DMBX1: variants seen among roughly 807,000 people sequenced by gnomAD.
The protein encoded by DMBX1 is diencephalon/mesencephalon homeobox 1, also known as diencephalon/mesencephalon homeobox protein 1.
Under a neutral mutation model 30.4 loss-of-function variants are expected in DMBX1, and 7 were observed. The observed-to-expected ratio is 0.23, with a 90% confidence interval of 0.13 to 0.43. The LOEUF is 0.43. Among genes scored for constraint, DMBX1 ranks in the 20% least tolerant of loss-of-function variants. The pLI, the probability that DMBX1 is intolerant of heterozygous loss-of-function variation, is 1.00. For synonymous variants in DMBX1, 222 were observed against 214.2 expected, an observed-to-expected ratio of 1.04 and a Z score of -0.32; for missense variants, 460 against 508.5, an observed-to-expected ratio of 0.90 and a Z score of 0.92.
chr1:46,507,206 G>A, intron 3 of DMBX1, 42 bp downstream of exon 3: 1 of 1,605,846 alleles, frequency 6.2e-7, no homozygotes. Flanking sequence ...AGGACTGTGG[G>A]GGTTGGGGGA....
intron 2 of DMBX1, among the ~76,000 whole-genome samples, chr1:46,499,629 A>G (rs1304746987): frequency 1.3e-5 from 2 of 152,226 alleles, no homozygotes; most frequent in African/African-American, 2.4e-5. Context: ...TATCAGAGGC[A>G]TTTAATAAAT....
At position 46,493,224 on chromosome 1, in the gene DMBX1, C is replaced by T. The variant is rs1665964643; in HGVS notation, c.-13+2441C>T. Among the ~76,000 whole-genome samples, 2 of 152,190 alleles carry T rather than the reference C, an allele frequency of 1.3e-5. No homozygotes were observed. The highest frequency in any genetic ancestry group is 2.1e-4 in the South Asian group (1 of 4,834). On this transcript the variant is annotated intron_variant, in intron 2 of 5. Transcript: ENST00000360032. The surrounding 1 kb of genome is among the most constrained non-coding windows in gnomAD (Gnocchi z 4.1). ...CTGCCCGCCAAAGCCCATTACCGAA[C>T]GAGTAGGGAGGGGCGCTGGGGTGGG...
Position 46,512,639 on chromosome 1 carries a change from C to T in DMBX1, c.*145C>T, listed in dbSNP as rs955346219. 1.5e-5 allele frequency: 14 copies of T among 913,932 alleles called. No individual in the cohort carries two copies. The African/African-American group carries it at 2.0e-4, about 13-fold the overall frequency. 56.6% of individuals were successfully genotyped at this position (913,932 alleles called of 1,614,324 possible). On this transcript the variant is annotated 3_prime_UTR_variant, in exon 6 of 6. Coordinates refer to ENST00000360032, the MANE Select transcript of DMBX1 (RefSeq NM_172225.2). This position sits in a 1 kb window ranked among gnomAD's most constrained non-coding sequence, Gnocchi z 4.8. The stretch of plus-strand genomic sequence containing the variant: ...TGTTCCCTGCTCCGCTTCCCCATAC[C>T]CCAGCCCGAGGTGAAGCCCACACCT...
intron 5 of DMBX1, among the ~76,000 whole-genome samples, chr1:46,511,595 A>G (rs888524003): frequency 1.2e-4 from 18 of 152,298 alleles, no homozygotes; most frequent in African/African-American, 4.1e-4. Context: ...CTGGGCGAAT[A>G]CTGTATTAGT....
chr1:46,490,381 G>C (rs1056811007), intron 1 of DMBX1, among the ~76,000 whole-genome samples: 2 of 152,100 alleles, frequency 1.3e-5, no homozygotes, highest in African/African-American at 4.8e-5. Context: ...TACAAAAAAG[G>C]TTTGGATATT....
chr1:46,508,127 G>A (rs189706778), intron 3 of DMBX1, among the ~76,000 whole-genome samples: 1 of 151,684 alleles, frequency 6.6e-6, no homozygotes, highest in East Asian at 1.9e-4. Context: ...CCTGTCCCAG[G>A]TCCAGCCTTG....
At position 46,493,944 on chromosome 1, in the gene DMBX1, G is replaced by A. The variant is rs1326202117; in HGVS notation, c.-13+3161G>A. 6.6e-6 allele frequency among the ~76,000 whole-genome samples: 1 copy of A among 152,234 alleles called. No individual in the cohort carries two copies. Among genetic ancestry groups the A allele is most frequent in the Non-Finnish European group, 1.5e-5 (1 of 68,040 alleles). On this transcript the variant is annotated intron_variant, in intron 2 of 5. Coordinates refer to ENST00000360032, the MANE Select transcript of DMBX1 (RefSeq NM_172225.2). This position sits in a 1 kb window ranked among gnomAD's most constrained non-coding sequence, Gnocchi z 4.1. ...CCGGCCTGGATCTGGATGGCCAAAA[G>A]TGGACCAGGTCATCCCTGACAGACT... is the stretch of plus-strand genomic sequence containing the variant.
At chr1:46,502,638 G>T (rs1666159235) in intron 2 of DMBX1, among the ~76,000 whole-genome samples, 1 of 152,140 alleles carries the variant, frequency 6.6e-6, no homozygotes, top group South Asian at 2.1e-4. Context: ...TGTAATTCCA[G>T]CACTTTGGGA....
intron 2 of DMBX1, among the ~76,000 whole-genome samples, chr1:46,492,915 C>T (rs781089221): frequency 2.6e-5 from 4 of 152,136 alleles, no homozygotes; most frequent in Non-Finnish European, 5.9e-5. Flanking sequence ...GTGTCACAGC[C>T]CCACCTTGCG....
At position 46,510,977 on chromosome 1, in the gene DMBX1, C is replaced by T. The variant is rs759772451; in HGVS notation, c.376C>T (p.Arg126Cys). 1.9e-5 allele frequency: 31 copies of T among 1,612,612 alleles called. No homozygotes were observed. The highest frequency in any genetic ancestry group is 4.5e-5 in the East Asian group (2 of 44,872). Residue 126 changes from arginine to cysteine, a missense_variant, in exon 5 of 6, where the codon CGT becomes TGT. Transcript: ENST00000360032. This position sits in a 1 kb window ranked among gnomAD's most constrained non-coding sequence, Gnocchi z 4.1. ...CCGGGCCAAGTTCCGGAAGAAGCAG[C>T]GTAGCCTGCAGAAGGAACAGCTCCA... Reference protein sequence around the residue: ...NRRAKFRKKQRSLQKEQLQKQ... With the variant: ...NRRAKFRKKQCSLQKEQLQKQ...
At chr1:46,492,141 G>C (rs563611364) in intron 2 of DMBX1, among the ~76,000 whole-genome samples, 2 of 152,346 alleles carry the variant, frequency 1.3e-5, no homozygotes, top group Admixed American at 6.5e-5. Context: ...CAGAGGAGTG[G>C]AAACCCGCCC....
chr1:46,503,823 G>A (rs1315026770), intron 2 of DMBX1, among the ~76,000 whole-genome samples: 1 of 152,184 alleles, frequency 6.6e-6, no homozygotes, highest in Admixed American at 6.5e-5. Flanking sequence ...CCACACTTGG[G>A]AAATAGGAAA....
At chr1:46,495,466 T>C (rs1205824484) in intron 2 of DMBX1, among the ~76,000 whole-genome samples, 1 of 152,202 alleles carries the variant, frequency 6.6e-6, no homozygotes, top group Non-Finnish European at 1.5e-5. Flanking sequence ...TCTCTGGGTC[T>C]CAGCTTCCTT....
At chr1:46,492,199 C>T (rs191268098) in intron 2 of DMBX1, among the ~76,000 whole-genome samples, 2 of 152,344 alleles carry the variant, frequency 1.3e-5, no homozygotes, top group East Asian at 3.9e-4. Context: ...TCGGGATGGG[C>T]TCTGCCAGAT....
rs1416546440 is a variant in DMBX1 at position 46,510,467 on chromosome 1, C to T, written c.155-9C>T. 6.2e-7 allele frequency: 1 copy of T among 1,613,084 alleles called. No individual in the cohort carries two copies. The highest frequency in any genetic ancestry group is 1.7e-5 in the Admixed American group (1 of 59,922). ...CTCTCCTTGCCCTCCAACGGCTGTA[C>T]ATTTCAAGACATCATCTTGGAGGCC... is the stretch of plus-strand genomic sequence containing the variant. On this transcript the variant is annotated splice_polypyrimidine_tract_variant and intron_variant, in intron 3 of 5. Coordinates refer to ENST00000360032, the MANE Select transcript of DMBX1 (RefSeq NM_172225.2). This position sits in a 1 kb window ranked among gnomAD's most constrained non-coding sequence, Gnocchi z 4.1.
rs1479108851 is a variant in DMBX1 at position 46,513,262 on chromosome 1, T to G, written c.*768T>G. The G allele has an allele frequency of 1.3e-5, 2 of 152,544 alleles. No individual in the cohort carries two copies. Among genetic ancestry groups the G allele is most frequent in the Non-Finnish European group, 2.9e-5 (2 of 68,260 alleles). The allele number at this position is 152,544 out of a possible 1,614,324, so 9.4% of individuals were successfully genotyped here. A position where few individuals can be genotyped will look rare whatever the true frequency, so the allele number is the denominator to read the frequency against. ...TTCCCTTCCTTCTGCCCTGCCTGCC[T>G]CCCTGCACCTGCGGCCTCTCTAGGA... On this transcript the variant is annotated 3_prime_UTR_variant, in exon 6 of 6. Transcript: ENST00000360032.
At chr1:46,499,131 G>A (rs1281813157) in intron 2 of DMBX1, among the ~76,000 whole-genome samples, 1 of 151,512 alleles carries the variant, frequency 6.6e-6, no homozygotes. Context: ...CCGCCTCCCC[G>A]GTTCAAGCGA....
chr1:46,510,490 G>C lies in DMBX1; in HGVS notation c.169G>C (p.Ala57Pro). 6.2e-7 allele frequency: 1 copy of C among 1,613,860 alleles called. No individual in the cohort carries two copies. The highest frequency in any genetic ancestry group is 8.5e-7 in the Non-Finnish European group (1 of 1,179,978). Reference protein sequence around the residue: ...AERLADIILEARYGSQHRKQR... With the variant: ...AERLADIILEPRYGSQHRKQR... ...TACATTTCAAGACATCATCTTGGAGGCCCGTTATGGTTCCCAGCACCGCAA... is the reference window on the plus strand; with the variant it reads ...TACATTTCAAGACATCATCTTGGAGCCCCGTTATGGTTCCCAGCACCGCAA... Residue 57 changes from alanine to proline, a missense_variant, in exon 4 of 6, where the codon GCC becomes CCC. Ala to Pro is a conservative substitution (Grantham distance 27). This residue lies in a region of DMBX1 where 124 missense variants were observed against 144.0 expected (regional missense o/e 0.86). Coordinates refer to ENST00000360032, the MANE Select transcript of DMBX1 (RefSeq NM_172225.2). This position sits in a 1 kb window ranked among gnomAD's most constrained non-coding sequence, Gnocchi z 4.1.
chr1:46,502,948 C>T (rs548658617), intron 2 of DMBX1, among the ~76,000 whole-genome samples: 68 of 152,326 alleles, frequency 4.5e-4, no homozygotes, highest in African/African-American at 1.6e-3. Flanking sequence ...CAAGACCCTC[C>T]AGGGGCTTCC....
Sources: allele counts gnomAD v4.1 joint callset (sites outside exome capture counted in the v4.1 genomes callset), GRCh38; gene constraint gnomAD v4.1.1; regional missense constraint gnomAD v4.1.1; non-coding constraint Gnocchi (gnomAD v3.1); transcripts MANE v1.5; gene names NCBI Gene and HGNC (gene_info 2026-07-23, HGNC 2026-07-21).